RIMS1: variants seen among roughly 807,000 people sequenced by gnomAD.
RIMS1 encodes regulating synaptic membrane exocytosis protein 1.
In RIMS1, 83 loss-of-function variants were observed where a neutral mutation model predicts 214.1. The ratio of observed to expected loss-of-function variants is 0.39; its 90% CI spans 0.32 to 0.47. The LOEUF (loss-of-function observed/expected upper bound fraction) is 0.47, where lower values mean the gene tolerates loss of function less well. RIMS1 is among the 20% of genes least tolerant of loss of function. RIMS1 has a pLI of 0.99. For synonymous variants in RIMS1, 793 were observed against 786.8 expected (o/e 1.01, Z -0.13); for missense variants, 2,050 against 2,161.8 (o/e 0.95, Z 1.03).
In RIMS1 at chr6:72,093,918, G is replaced by T. The variant is rs898418325; in HGVS notation, c.246-3031G>T. On this transcript the variant is annotated intron_variant, in intron 2 of 33. Coordinates refer to ENST00000521978, the MANE Select transcript of RIMS1 (RefSeq NM_014989.7). The stretch of plus-strand genomic sequence containing the variant: ...ACAGAACCTCAGTACATGTTTCTTG[G>T]CATCTGCTTCAGAGATATGTTACTT... 2.0e-5 allele frequency among the ~76,000 whole-genome samples: 3 copies of T among 152,116 alleles called. No individual in the cohort carries two copies. The South Asian group carries it at 6.2e-4, about 32-fold the overall frequency.
At chr6:72,004,159 G>GA (rs1806460373) in intron 2 of RIMS1, among the ~76,000 whole-genome samples, 1 of 151,200 alleles carries the variant, frequency 6.6e-6, no homozygotes, top group Non-Finnish European at 1.5e-5. Context: ...TGAGAATGAT[G>GA]ATTTCCCATT....
intron 2 of RIMS1, among the ~76,000 whole-genome samples, chr6:71,974,744 G>A (rs1562006274): frequency 6.6e-6 from 1 of 152,158 alleles, no homozygotes; most frequent in African/African-American, 2.4e-5. Flanking sequence ...AGGCACTAAG[G>A]CAGGTTTACA....
chr6:72,204,337 A>C (rs190385667), intron 6 of RIMS1, among the ~76,000 whole-genome samples: 2 of 152,314 alleles, frequency 1.3e-5, no homozygotes, highest in African/African-American at 4.8e-5. Context: ...AAACTCCTGT[A>C]GATTAGGTTA....
intron 29 of RIMS1, among the ~76,000 whole-genome samples, chr6:72,388,835 G>A (rs2098656555): frequency 6.6e-6 from 1 of 152,196 alleles, no homozygotes; most frequent in Admixed American, 6.5e-5. Flanking sequence ...TTTAGTAGTG[G>A]GAGGTGGTAG....
chr6:72,109,552 GT>G (rs1333262114), intron 4 of RIMS1, among the ~76,000 whole-genome samples: 2 of 151,288 alleles, frequency 1.3e-5, no homozygotes, highest in African/African-American at 4.8e-5. Flanking sequence ...GGGGTTGTTT[GT>G]TTTTTTCTTG....
intron 1 of RIMS1, among the ~76,000 whole-genome samples, chr6:71,923,020 A>G (rs765802912): frequency 2.4e-4 from 37 of 152,200 alleles, no homozygotes; most frequent in Non-Finnish European, 4.7e-4. Context: ...CCTGTGGGCT[A>G]ACTTGTGAGA....
intron 2 of RIMS1, among the ~76,000 whole-genome samples, chr6:72,045,844 C>G (rs866226795): frequency 4.7e-5 from 7 of 149,258 alleles, no homozygotes; most frequent in Non-Finnish European, 7.4e-5. Context: ...TCCCCTCCCT[C>G]AATTTGGGTC....
rs920880208 is a variant in RIMS1 at position 72,401,144 on chromosome 6, T to C, written c.*430T>C. 6.4e-6 allele frequency: 1 copy of C among 155,812 alleles called. No homozygotes were observed. Among genetic ancestry groups the C allele is most frequent in the African/African-American group, 2.4e-5 (1 of 41,532 alleles). The allele number at this position is 155,812 out of a possible 1,614,324, so 9.7% of individuals were successfully genotyped here. A position where few individuals can be genotyped will look rare whatever the true frequency, so the allele number is the denominator to read the frequency against. On this transcript the variant is annotated 3_prime_UTR_variant, in exon 34 of 34. Transcript: ENST00000521978. ...AGTTGTTTTGTTCTTTTGTGTGTTT[T>C]GTTTATTTGTGTGTTGTTTGTTGGT...
chr6:72,011,249 A>C (rs1226168094), intron 2 of RIMS1, among the ~76,000 whole-genome samples: 3 of 152,208 alleles, frequency 2.0e-5, no homozygotes, highest in Admixed American at 6.5e-5. Flanking sequence ...TATTTAATAA[A>C]TGGTGCTGGG....
intron 2 of RIMS1, among the ~76,000 whole-genome samples, chr6:72,044,314 G>T (rs1229227923): frequency 6.6e-6 from 1 of 151,642 alleles, no homozygotes; most frequent in Non-Finnish European, 1.5e-5. Flanking sequence ...AAATATTTTT[G>T]TCTTTTAATT....
At chr6:72,248,621 G>A (rs1330489265) in intron 12 of RIMS1, among the ~76,000 whole-genome samples, 2 of 152,150 alleles carry the variant, frequency 1.3e-5, no homozygotes, top group East Asian at 3.9e-4. Context: ...GTGATCTGGG[G>A]AAACCTGGAG....
At chr6:72,329,910 T>A (rs867738531) in intron 28 of RIMS1, among the ~76,000 whole-genome samples, 7 of 151,930 alleles carry the variant, frequency 4.6e-5, no homozygotes, top group African/African-American at 1.4e-4. Flanking sequence ...AGTTGACAGC[T>A]GGATATATAA....
chr6:72,390,511 T>G, intron 29 of RIMS1, 87 bp from the exon 30 acceptor site: 3 of 1,344,464 alleles, frequency 2.2e-6, no homozygotes, highest in Non-Finnish European at 3.1e-6. Flanking sequence ...ATGTGTAAAA[T>G]TAACTATTGT....
chr6:71,948,026 C>A (rs1788407071), intron 1 of RIMS1, among the ~76,000 whole-genome samples: 1 of 152,044 alleles, frequency 6.6e-6, no homozygotes, highest in Non-Finnish European at 1.5e-5. Context: ...TGAATATATT[C>A]AAGGTGGATA....
chr6:72,299,065 CCT>C (rs2094372862), intron 26 of RIMS1, among the ~76,000 whole-genome samples: 1 of 151,732 alleles, frequency 6.6e-6, no homozygotes, highest in Non-Finnish European at 1.5e-5. Flanking sequence ...CCAATTTTTC[CCT>C]CTCTGCTACA....
chr6:71,943,522 A>C (rs1409843384), intron 1 of RIMS1, among the ~76,000 whole-genome samples: 1 of 152,164 alleles, frequency 6.6e-6, no homozygotes, highest in Non-Finnish European at 1.5e-5. Context: ...TAATTTGTTG[A>C]ATTTTTACCT....
Position 72,205,091 on chromosome 6 carries a change from G to C in RIMS1, c.1678+21942G>C, listed in dbSNP as rs116174434. 3.0e-3 allele frequency among the ~76,000 whole-genome samples: 449 copies of C among 152,050 alleles called. 1 individual carries two copies. Among genetic ancestry groups the C allele is most frequent in the African/African-American group, 0.01 (432 of 41,476 alleles). On this transcript the variant is annotated intron_variant, in intron 6 of 33. Transcript: ENST00000521978. Reference sequence around the variant, plus strand: ...GAAGTAATTACTTCTGTGTTCTCAGGATTCTGTTTCTTTAATTATTTTAGT... The same window carrying C: ...GAAGTAATTACTTCTGTGTTCTCAGCATTCTGTTTCTTTAATTATTTTAGT...
intron 1 of RIMS1, among the ~76,000 whole-genome samples, chr6:71,960,953 G>A (rs1156524723): frequency 6.6e-6 from 1 of 151,942 alleles, no homozygotes; most frequent in Non-Finnish European, 1.5e-5. Flanking sequence ...ATTTCTTCCT[G>A]CAGAAGACAT....
chr6:71,905,816 C>G (rs1198248060), intron 1 of RIMS1, among the ~76,000 whole-genome samples: 2 of 152,084 alleles, frequency 1.3e-5, no homozygotes, highest in African/African-American at 4.8e-5. Flanking sequence ...TGGCTCTACA[C>G]CCTACTGCTT....
Sources: allele counts gnomAD v4.1 joint callset (sites outside exome capture counted in the v4.1 genomes callset), GRCh38; gene constraint gnomAD v4.1.1; transcripts MANE v1.5; gene names NCBI Gene and HGNC (gene_info 2026-07-23, HGNC 2026-07-21).